The following NR3C2 variants were observed in gnomAD, a reference collection of about 807,000 sequenced individuals.
NR3C2 encodes the protein mineralocorticoid receptor.
NR3C2 carries 15 observed loss-of-function variants against 86.4 expected under a neutral mutation model. The ratio of observed to expected loss-of-function variants is 0.17; its 90% CI spans 0.12 to 0.27. NR3C2 has a LOEUF of 0.27. Ranked by LOEUF, NR3C2 falls within the 10% of genes least tolerant of loss-of-function variation. The pLI is 1.00. For missense variants in NR3C2, 960 were observed against 1,195.6 expected (o/e 0.80, Z 2.91); for synonymous variants, 458 against 450.5 (o/e 1.02, Z -0.21).
intron 8 of NR3C2, among the ~76,000 whole-genome samples, chr4:148,112,423 A>C (rs1173570509): frequency 6.6e-6 from 1 of 152,232 alleles, no homozygotes; most frequent in Non-Finnish European, 1.5e-5. Context: ...TAACAGACGA[A>C]AGTAAATCTG....
intron 2 of NR3C2, among the ~76,000 whole-genome samples, chr4:148,365,981 C>T (rs1319991521): frequency 2.0e-5 from 3 of 152,002 alleles, no homozygotes; most frequent in South Asian, 2.1e-4. Context: ...AAAAGTTATC[C>T]GTAATATCAA....
chr4:148,310,432 C>T (rs1742849553), intron 2 of NR3C2, among the ~76,000 whole-genome samples: 1 of 152,202 alleles, frequency 6.6e-6, no homozygotes, highest in Non-Finnish European at 1.5e-5. Flanking sequence ...CATCACAGTA[C>T]ATTTCCCTAG....
At chr4:148,325,908 T>C (rs1434776971) in intron 2 of NR3C2, among the ~76,000 whole-genome samples, 2 of 152,208 alleles carry the variant, frequency 1.3e-5, no homozygotes, top group African/African-American at 4.8e-5. Flanking sequence ...TTTGGATGCA[T>C]TTATCAGATT....
chr4:148,115,228 T>C (rs1013031993), intron 7 of NR3C2, among the ~76,000 whole-genome samples: 2 of 152,246 alleles, frequency 1.3e-5, no homozygotes, highest in African/African-American at 2.4e-5. Context: ...TACTTTGAAA[T>C]TCAGGACTTG....
intron 6 of NR3C2, among the ~76,000 whole-genome samples, chr4:148,130,789 TTTTTTTTTTGTTTTG>T: frequency 7.6e-6 from 1 of 131,326 alleles, no homozygotes; most frequent in Non-Finnish European, 1.6e-5. Flanking sequence ...ATGAACACGT[TTTTTTTTTTGTTTTG>T]TTTTGTTTTG....
chr4:148,247,564 T>C (rs1269481642), intron 3 of NR3C2, among the ~76,000 whole-genome samples: 1 of 151,474 alleles, frequency 6.6e-6, no homozygotes, highest in Non-Finnish European at 1.5e-5. Flanking sequence ...CAAGACACAG[T>C]AGATGATTTA....
At chr4:148,204,483 G>A (rs1736900684) in intron 3 of NR3C2, among the ~76,000 whole-genome samples, 3 of 152,126 alleles carry the variant, frequency 2.0e-5, no homozygotes, top group African/African-American at 7.2e-5. Context: ...ATCCTATGGG[G>A]GGAGTCCTAT....
At chr4:148,416,533 T>A (rs959316599) in intron 2 of NR3C2, among the ~76,000 whole-genome samples, 1 of 152,132 alleles carries the variant, frequency 6.6e-6, no homozygotes, top group Non-Finnish European at 1.5e-5. Context: ...GGCTGAAGAG[T>A]CCATGCTCTG....
At chr4:148,283,805 T>C (rs1263194368) in intron 2 of NR3C2, among the ~76,000 whole-genome samples, 2 of 152,254 alleles carry the variant, frequency 1.3e-5, no homozygotes, top group African/African-American at 4.8e-5. Context: ...CATTGATTTA[T>C]ATTTGATTTC....
intron 3 of NR3C2, among the ~76,000 whole-genome samples, chr4:148,252,114 G>A (rs750626703): frequency 1.3e-5 from 2 of 152,144 alleles, no homozygotes; most frequent in Non-Finnish European, 2.9e-5. Flanking sequence ...TCTCTAAAAT[G>A]AGGATAGATA....
At chr4:148,154,426 T>G in intron 5 of NR3C2, 125 bp downstream of exon 5, 8 of 889,636 alleles carry the variant, frequency 9.0e-6, no homozygotes, top group Non-Finnish European at 1.5e-5. Context: ...TGTTATCAAT[T>G]TAAAAAATCT....
At chr4:148,376,778 G>C (rs72656870) in intron 2 of NR3C2, among the ~76,000 whole-genome samples, 1 of 152,052 alleles carries the variant, frequency 6.6e-6, no homozygotes, top group Non-Finnish European at 1.5e-5. Context: ...TTTAAAAATA[G>C]ACTAAATAAC....
chr4:148,186,655 G>A (rs1735908734), intron 4 of NR3C2, among the ~76,000 whole-genome samples: 1 of 151,818 alleles, frequency 6.6e-6, no homozygotes, highest in South Asian at 2.1e-4. Context: ...GGTGGTATCT[G>A]GTTACATGAA....
At position 148,392,209 on chromosome 4, in the gene NR3C2, T is replaced by C. The variant is rs1747621691; in HGVS notation, c.1757+42895A>G. Among the ~76,000 whole-genome samples the C allele has an allele frequency of 2.6e-5, 4 of 152,306 alleles. No homozygotes were observed. In the South Asian group the frequency reaches 8.3e-4, roughly 32 times the overall value. ...ATTTACCAAATATTAACAAAGAAGCTTGAATTAGAAGAGATAGACCATGAG... is the reference window on the plus strand; with the variant it reads ...ATTTACCAAATATTAACAAAGAAGCCTGAATTAGAAGAGATAGACCATGAG... On this transcript the variant is annotated intron_variant, in intron 2 of 8. Coordinates refer to ENST00000358102, the MANE Select transcript of NR3C2 (RefSeq NM_000901.5).
intron 3 of NR3C2, among the ~76,000 whole-genome samples, chr4:148,258,526 C>T (rs1440338795): frequency 6.6e-6 from 1 of 152,178 alleles, no homozygotes; most frequent in Non-Finnish European, 1.5e-5. Context: ...CAGAACCAGC[C>T]TATCTGATCA....
chr4:148,387,301 G>A (rs1351229403), intron 2 of NR3C2, among the ~76,000 whole-genome samples: 1 of 152,148 alleles, frequency 6.6e-6, no homozygotes, highest in African/African-American at 2.4e-5. Flanking sequence ...CCAAAAAGAA[G>A]GCTGAACAGA....
chr4:148,440,632 A>G (rs958663649), intron 1 of NR3C2, among the ~76,000 whole-genome samples: 33 of 151,812 alleles, frequency 2.2e-4, no homozygotes, highest in African/African-American at 7.7e-4. Context: ...CCCAAAACAC[A>G]AAAAAAAATT....
chr4:148,247,639 A>G (rs1739381703), intron 3 of NR3C2, among the ~76,000 whole-genome samples: 2 of 151,160 alleles, frequency 1.3e-5, no homozygotes, highest in African/African-American at 4.9e-5. Context: ...GGGCCTTTTT[A>G]TTAGTGGGAA....
At chr4:148,350,801 T>C (rs115736967) in intron 2 of NR3C2, among the ~76,000 whole-genome samples, 1,866 of 152,312 alleles carry the variant, frequency 0.012, 23 homozygotes, top group Non-Finnish European at 0.019. Flanking sequence ...AAACAAGTTT[T>C]ATTGTTCAAT....
Sources: gnomAD v4.1 joint callset for allele counts (sites outside exome capture counted in the v4.1 genomes callset) on GRCh38, gnomAD v4.1.1 for gene constraint, MANE v1.5 for transcripts, NCBI Gene and HGNC (gene_info 2026-07-23, HGNC 2026-07-21) for gene names.